The following PKNOX2 variants were observed in gnomAD, a reference collection of about 807,000 sequenced individuals.
The protein encoded by PKNOX2 is homeobox protein PKNOX2.
A neutral mutation model predicts 53.1 loss-of-function variants in PKNOX2; 14 were observed. The observed-to-expected ratio is 0.26, with a 90% CI of 0.17 to 0.41. The LOEUF is 0.41. Among genes scored for constraint, PKNOX2 ranks in the 10% least tolerant of loss-of-function variants. PKNOX2 has a pLI of 1.00. For synonymous variants in PKNOX2, 257 were observed against 242.8 expected, an observed-to-expected ratio of 1.06 and a Z score of -0.54; for missense variants, 496 against 602.8, an observed-to-expected ratio of 0.82 and a Z score of 1.85.
chr11:125,226,515 A>G (rs567513162), intron 1 of PKNOX2, among the ~76,000 whole-genome samples: 9 of 152,200 alleles, frequency 5.9e-5, no homozygotes, highest in Admixed American at 5.2e-4. Flanking sequence ...CAGAGTCATA[A>G]CACTATGAGG....
intron 7 of PKNOX2, among the ~76,000 whole-genome samples, chr11:125,402,612 A>G (rs1222994543): frequency 6.6e-6 from 1 of 152,162 alleles, no homozygotes; most frequent in East Asian, 1.9e-4. Flanking sequence ...AGTCTCAGGG[A>G]GAGAGAGCCA....
At chr11:125,318,942 T>C (rs1011179133) in intron 2 of PKNOX2, among the ~76,000 whole-genome samples, 1 of 152,208 alleles carries the variant, frequency 6.6e-6, no homozygotes, top group Non-Finnish European at 1.5e-5. Context: ...CCTTCCACCA[T>C]GATTTTAAGT....
intron 1 of PKNOX2, among the ~76,000 whole-genome samples, chr11:125,222,662 ATG>A (rs67172956): frequency 0.13 from 16,630 of 124,536 alleles, 1,173 homozygotes; most frequent in Middle Eastern, 0.19. Context: ...TGTGCTGTGT[ATG>A]TGTGTGTGTA....
At chr11:125,178,609 G>GGAAAGAAA (rs369928323) in intron 1 of PKNOX2, among the ~76,000 whole-genome samples, 15 of 46,252 alleles carry the variant, frequency 3.2e-4, no homozygotes, top group South Asian at 9.7e-4. Context: ...AAGGAAGGAA[G>GGAAAGAAA]GAAAGAAAGA....
intron 3 of PKNOX2, among the ~76,000 whole-genome samples, chr11:125,346,878 G>C (rs972232745): frequency 6.6e-6 from 1 of 151,542 alleles, no homozygotes; most frequent in Admixed American, 6.6e-5. Context: ...GCAGACCCAG[G>C]GCCACCGTCC....
At chr11:125,401,395 G>A (rs963330280) in intron 7 of PKNOX2, among the ~76,000 whole-genome samples, 2 of 152,196 alleles carry the variant, frequency 1.3e-5, no homozygotes, top group African/African-American at 2.4e-5. Flanking sequence ...AGGAGGATGT[G>A]CTATGTGCTG....
chr11:125,389,908 C>A (rs1290571172), intron 6 of PKNOX2, among the ~76,000 whole-genome samples: 1 of 152,076 alleles, frequency 6.6e-6, no homozygotes, highest in African/African-American at 2.4e-5. Flanking sequence ...AAATAGGGAC[C>A]CCCAGGCCCC....
intron 2 of PKNOX2, among the ~76,000 whole-genome samples, chr11:125,259,815 C>T (rs894850771): frequency 4.6e-5 from 7 of 152,140 alleles, no homozygotes; most frequent in Non-Finnish European, 8.8e-5. Flanking sequence ...AGCCTGCTTT[C>T]GGTTGACTGT....
At chr11:125,269,387 T>C (rs1032281645) in intron 2 of PKNOX2, among the ~76,000 whole-genome samples, 3 of 152,204 alleles carry the variant, frequency 2.0e-5, no homozygotes, top group African/African-American at 7.2e-5. Context: ...TCTGTGGCAG[T>C]GTAAATAATT....
At position 125,281,883 on chromosome 11, in the gene PKNOX2, C is replaced by T. The variant is rs150464790; in HGVS notation, c.-130+46768C>T. ...TTAGATCAACTCAGCCCTCTGAACT[C>T]ACATGAAACCTTAAAAGAAGATCCC... On this transcript the variant is annotated intron_variant, in intron 2 of 12. Transcript: ENST00000298282. Among the ~76,000 whole-genome samples, 5 of 152,310 alleles carry T rather than the reference C, an allele frequency of 3.3e-5. No homozygotes were observed. In the East Asian group the frequency reaches 9.6e-4, roughly 29 times the overall value.
chr11:125,381,060 G>C (rs73628724), intron 5 of PKNOX2, among the ~76,000 whole-genome samples: 18,722 of 152,166 alleles, frequency 0.12, 2,354 homozygotes, highest in African/African-American at 0.32. Context: ...GAAATGGAGC[G>C]TGTCTCTCAG....
At chr11:125,356,034 C>G (rs569720961) in intron 4 of PKNOX2, among the ~76,000 whole-genome samples, 5 of 148,386 alleles carry the variant, frequency 3.4e-5, no homozygotes, top group Non-Finnish European at 6.0e-5. Context: ...TCAGCACCCC[C>G]CCCCCCACAA....
intron 4 of PKNOX2, among the ~76,000 whole-genome samples, chr11:125,363,350 G>T (rs1057509242): frequency 6.6e-6 from 1 of 152,200 alleles, no homozygotes; most frequent in Admixed American, 6.5e-5. Context: ...TGCACAACCT[G>T]CAGATTGAGT....
At chr11:125,381,457 G>C (rs1374396686) in intron 5 of PKNOX2, among the ~76,000 whole-genome samples, 2 of 152,134 alleles carry the variant, frequency 1.3e-5, no homozygotes. Context: ...TTGGAGGGAA[G>C]GATGGGCAGC....
At chr11:125,222,644 C>CATGTGTATGTGTGTGCGTGT (rs1565472865) in intron 1 of PKNOX2, among the ~76,000 whole-genome samples, 9 of 129,876 alleles carry the variant, frequency 6.9e-5, no homozygotes, top group African/African-American at 2.4e-4. Flanking sequence ...TATGTGTGTG[C>CATGTGTATGTGTGTGCGTGT]GTATGTGTGT....
chr11:125,206,260 C>T (rs1406822421), intron 1 of PKNOX2, among the ~76,000 whole-genome samples: 3 of 151,992 alleles, frequency 2.0e-5, no homozygotes, highest in Non-Finnish European at 4.4e-5. Context: ...ATTGTAGGCT[C>T]GGACTGATGC....
At chr11:125,334,161 G>A (rs1467622630) in intron 3 of PKNOX2, among the ~76,000 whole-genome samples, 1 of 152,198 alleles carries the variant, frequency 6.6e-6, no homozygotes, top group East Asian at 1.9e-4. Context: ...CTGGACTCCA[G>A]CTCCTTCTCT....
At chr11:125,222,816 T>C (rs1450590103) in intron 1 of PKNOX2, among the ~76,000 whole-genome samples, 1 of 152,136 alleles carries the variant, frequency 6.6e-6, no homozygotes, top group East Asian at 1.9e-4. Flanking sequence ...TGTGTATGTG[T>C]GTGTGTGTTG....
intron 1 of PKNOX2, among the ~76,000 whole-genome samples, chr11:125,212,345 A>G (rs1939940497): frequency 6.6e-6 from 1 of 151,940 alleles, no homozygotes; most frequent in African/African-American, 2.4e-5. Context: ...GTCCTCCAGG[A>G]CTAATCCTTC....
Sources: allele counts gnomAD v4.1 joint callset (sites outside exome capture counted in the v4.1 genomes callset), GRCh38; gene constraint gnomAD v4.1.1; transcripts MANE v1.5; gene names NCBI Gene and HGNC (gene_info 2026-07-23, HGNC 2026-07-21).